Variants in BPIFA1 observed in about 807,000 individuals in gnomAD.
The protein encoded by BPIFA1 is BPI fold containing family A member 1.
In BPIFA1, 24 loss-of-function variants were observed where a neutral mutation model predicts 25.1. That is an observed-to-expected ratio of 0.96 (90% confidence interval 0.69 to 1.35). The LOEUF is 1.35. Ranked by LOEUF, BPIFA1 falls within the 40% of genes most tolerant of loss-of-function variation. The pLI is 0.00. For synonymous variants in BPIFA1, 139 were observed against 131.8 expected, an observed-to-expected ratio of 1.05 and a Z score of -0.37; for missense variants, 344 against 303.7, an observed-to-expected ratio of 1.13 and a Z score of -0.99.
At chr20:33,236,704 T>C (rs552303553) in intron 1 of BPIFA1, among the ~76,000 whole-genome samples, 1 of 152,146 alleles carries the variant, frequency 6.6e-6, no homozygotes, top group African/African-American at 2.4e-5. Context: ...CAGGGCAGCT[T>C]GAAGGAGAAG....
intron 3 of BPIFA1, 88 bp downstream of exon 3, chr20:33,238,302 G>A (rs1289701253): frequency 6.2e-6 from 9 of 1,454,076 alleles, no homozygotes; most frequent in African/African-American, 2.8e-5. Flanking sequence ...CTGAAGCAGC[G>A]ACCCTGAAGC....
chr20:33,242,920 G>A (rs1301140610), intron 8 of BPIFA1, among the ~76,000 whole-genome samples, 187 bp from the exon 9 acceptor site: 1 of 152,168 alleles, frequency 6.6e-6, no homozygotes, highest in East Asian at 1.9e-4. Context: ...CACATCAGTG[G>A]ACTCACCACA....
intron 5 of BPIFA1, among the ~76,000 whole-genome samples, chr20:33,240,684 T>C (rs1978930565): frequency 6.9e-6 from 1 of 145,412 alleles, no homozygotes; most frequent in African/African-American, 2.8e-5. Context: ...GATAGATAGA[T>C]AGATAAAGTA....
At position 33,237,888 on chromosome 20, in the gene BPIFA1, G is replaced by A. The variant is rs759560502; in HGVS notation, c.160+17G>A. On this transcript the variant is annotated intron_variant, in intron 2 of 8. Coordinates refer to ENST00000354297, the MANE Select transcript of BPIFA1 (RefSeq NM_130852.3). ...TGACAAATGGTGAGTTTTCAGGGGT[G>A]TATGTGTGCATGTGTGTGTGTGTGT... is the stretch of plus-strand genomic sequence containing the variant. 4 of 1,555,480 alleles carry A rather than the reference G, an allele frequency of 2.6e-6. No individual in the cohort carries two copies. The highest frequency in any genetic ancestry group is 3.5e-6 in the Non-Finnish European group (4 of 1,152,688).
intron 3 of BPIFA1, among the ~76,000 whole-genome samples, chr20:33,239,524 G>A (rs3746392): frequency 0.33 from 50,894 of 152,072 alleles, 10,758 homozygotes; most frequent in African/African-American, 0.6. Flanking sequence ...ACAGGATGCA[G>A]ATATAATCCA....
chr20:33,241,202 C>G (rs1245629552), intron 5 of BPIFA1, among the ~76,000 whole-genome samples, 183 bp from the exon 6 acceptor site: 1 of 152,224 alleles, frequency 6.6e-6, no homozygotes, highest in African/African-American at 2.4e-5. Context: ...GTGTTCACTG[C>G]TGTACACAAA....
Position 33,240,403 on chromosome 20 carries a change from G to T in BPIFA1, c.581+18G>T, listed in dbSNP as rs940006198. On this transcript the variant is annotated intron_variant, in intron 5 of 8. Transcript: ENST00000354297. ...CTTGATGGGTGAGGCCAGAGGAGCAGCTTATCCTGCCCAGAGATGACAGGG... is the reference window on the plus strand; with the variant it reads ...CTTGATGGGTGAGGCCAGAGGAGCATCTTATCCTGCCCAGAGATGACAGGG... The T allele has an allele frequency of 6.2e-7, 1 of 1,613,210 alleles. No individual in the cohort carries two copies. Among genetic ancestry groups the T allele is most frequent in the Non-Finnish European group, 8.5e-7 (1 of 1,179,570 alleles).
At chr20:33,237,645 T>A in intron 1 of BPIFA1, 52 bp from the exon 2 acceptor site, 1 of 1,345,678 alleles carries the variant, frequency 7.4e-7, no homozygotes, top group African/African-American at 1.5e-5. Flanking sequence ...AGGTGGTGGA[T>A]AAATTCCTCT....
rs150581925 is a variant in BPIFA1, at chr20:33,237,671, T to C, written c.-15-26T>C. The stretch of plus-strand genomic sequence containing the variant: ...AAATTCCTCTCTGATACCCATGCCA[T>C]GTTGGACTTGTCATTCTGGCCACAG... On this transcript the variant is annotated intron_variant, in intron 1 of 8. Transcript: ENST00000354297. 1.7e-4 allele frequency: 235 copies of C among 1,408,780 alleles called. No individual in the cohort carries two copies. In the Middle Eastern group the frequency reaches 1.7e-3, roughly 10 times the overall value. The allele number at this position is 1,408,780 out of a possible 1,614,324, so 87.3% of individuals were successfully genotyped here.
intron 3 of BPIFA1, among the ~76,000 whole-genome samples, 172 bp downstream of exon 3, chr20:33,238,386 T>C (rs1978800389): frequency 6.6e-6 from 1 of 152,038 alleles, no homozygotes; most frequent in Non-Finnish European, 1.5e-5. Context: ...GGGACACCCG[T>C]CCTCCCCAAA....
intron 4 of BPIFA1, 41 bp from the exon 5 acceptor site, chr20:33,240,192 T>A: frequency 6.2e-7 from 1 of 1,604,932 alleles, no homozygotes; most frequent in Non-Finnish European, 8.5e-7. Context: ...TTCCTTGGAA[T>A]GTGGTGGAGC....
At chr20:33,241,521 C>A in intron 6 of BPIFA1, 52 bp downstream of exon 6, 1 of 1,516,016 alleles carries the variant, frequency 6.6e-7, no homozygotes, top group Non-Finnish European at 9.2e-7. Context: ...GAGCTTCTTG[C>A]ACTAAAACAA....
chr20:33,237,803 C>A lies in BPIFA1; in HGVS notation c.92C>A (p.Thr31Asn). Residue 31 changes from threonine to asparagine, a missense_variant, in exon 2 of 9, where the codon ACC (threonine) becomes AAC (asparagine). Physicochemically the swap from Thr to Asn is moderately conservative, Grantham distance 65. Coordinates refer to ENST00000354297, the MANE Select transcript of BPIFA1 (RefSeq NM_130852.3). The part of the protein sequence containing the change: ...FGGLPVPLDQ[T>N]LPLNVNPALP... ...GGCCTGCCCGTGCCCCTGGACCAGA[C>A]CCTGCCCTTGAATGTGAATCCAGCC... The A allele has an allele frequency of 6.2e-7, 1 of 1,603,726 alleles. No individual in the cohort carries two copies. The highest frequency in any genetic ancestry group is 8.5e-7 in the Non-Finnish European group (1 of 1,174,828).
chr20:33,237,585 C>A, intron 1 of BPIFA1, 112 bp from the exon 2 acceptor site: 3 of 801,934 alleles, frequency 3.7e-6, no homozygotes, highest in Non-Finnish European at 5.4e-6. Flanking sequence ...TTACTAGTGA[C>A]CCCCTGGTGT....
rs144036826 is a variant in BPIFA1, at chr20:33,238,345, C to G, written c.320+131C>G. 1.5e-3 allele frequency: 1,677 copies of G among 1,103,144 alleles called. 12 individuals are homozygous for G. The Middle Eastern group carries it at 0.026, about 17-fold the overall frequency. 68.3% of individuals were successfully genotyped at this position (1,103,144 alleles called of 1,614,324 possible). A position where few individuals can be genotyped will look rare whatever the true frequency, so the allele number is the denominator to read the frequency against. ...GAGCGGCCTGAAGATGGAGCCAGGA[C>G]TCAGTTCTGAGACCCATCTCCAGTT... On this transcript the variant is annotated intron_variant, in intron 3 of 8. Transcript: ENST00000354297.
At chr20:33,241,236 C>T in intron 5 of BPIFA1, 149 bp from the exon 6 acceptor site, 4 of 724,490 alleles carry the variant, frequency 5.5e-6, no homozygotes, top group Non-Finnish European at 9.9e-6. Context: ...ACATAAGACC[C>T]TTGCTGTTGG....
rs115425643 is a variant in BPIFA1 at position 33,240,366 on chromosome 20, C to A, written c.562C>A (p.Gln188Lys). ...GDCTHSPGSL[Q>K]ISLLDGLGPL... Reference sequence around the variant, plus strand: ...CTGCACCCATTCCCCTGGAAGCCTGCAAATTTCTCTGCTTGATGGGTGAGG... The same window carrying A: ...CTGCACCCATTCCCCTGGAAGCCTGAAAATTTCTCTGCTTGATGGGTGAGG... Residue 188 changes from glutamine to lysine, a missense_variant, in exon 5 of 9, where the codon CAA becomes AAA. Transcript: ENST00000354297. The A allele has an allele frequency of 4.7e-4, 766 of 1,614,100 alleles. 2 individuals are homozygous for A. In the African/African-American group the frequency reaches 9.0e-3, roughly 19 times the overall value.
rs780945949 is a variant in BPIFA1 at position 33,242,088 on chromosome 20, C to A, written c.699C>A (p.Gly233=). The A allele has an allele frequency of 6.2e-7, 1 of 1,614,184 alleles. No homozygotes were observed. Among genetic ancestry groups the A allele is most frequent in the Non-Finnish European group, 8.5e-7 (1 of 1,180,024 alleles). The change falls in exon 7 of 9, where the codon GGC becomes GGA. Residue 233 remains glycine, a synonymous_variant. Transcript: ENST00000354297. ...CTCTGGTCAATGAGGTTCTCAGAGGCTTGGACATCACCCTGGTGCATGACA... is the reference window on the plus strand; with the variant it reads ...CTCTGGTCAATGAGGTTCTCAGAGGATTGGACATCACCCTGGTGCATGACA... ...VCPLVNEVLR[G]LDITLVHDIV...
At chr20:33,237,387 G>GA (rs368501964) in intron 1 of BPIFA1, among the ~76,000 whole-genome samples, 58 of 152,186 alleles carry the variant, frequency 3.8e-4, no homozygotes, top group African/African-American at 1.3e-3. Flanking sequence ...TGGCAAGAAG[G>GA]AAAAAAACCC....
Sources: allele counts gnomAD v4.1 joint callset (sites outside exome capture counted in the v4.1 genomes callset), GRCh38; gene constraint gnomAD v4.1.1; transcripts MANE v1.5; gene names NCBI Gene and HGNC (gene_info 2026-07-23, HGNC 2026-07-21).